The following DOCK2 variants were observed in gnomAD, a reference collection of about 807,000 sequenced individuals.
The protein encoded by DOCK2 is dedicator of cytokinesis protein 2.
A neutral mutation model predicts 248.9 loss-of-function variants in DOCK2; 87 were observed. The ratio of observed to expected loss-of-function variants is 0.35; its 90% CI spans 0.29 to 0.42. The LOEUF is 0.42. Among genes scored for constraint, DOCK2 ranks in the 10% least tolerant of loss-of-function variants. DOCK2 has a pLI of 1.00. For missense variants in DOCK2, 1,747 were observed against 2,300.2 expected (o/e 0.76, Z 4.92); for synonymous variants, 805 against 821.6 (o/e 0.98, Z 0.35).
At chr5:170,077,670 C>A in intron 47 of DOCK2, 40 bp from the exon 48 acceptor site, 2 of 1,609,560 alleles carry the variant, frequency 1.2e-6, no homozygotes, top group Non-Finnish European at 1.7e-6. Context: ...GCCACCTTCC[C>A]CAGGCTACAG....
chr5:169,677,804 C>T (rs530081269), intron 6 of DOCK2, among the ~76,000 whole-genome samples: 22 of 152,164 alleles, frequency 1.4e-4, no homozygotes, highest in Non-Finnish European at 1.6e-4. Context: ...CCGAAGCCAG[C>T]CATGGGGAAA....
intron 48 of DOCK2, among the ~76,000 whole-genome samples, chr5:170,078,487 A>G (rs943160251): frequency 2.6e-5 from 4 of 152,224 alleles, no homozygotes; most frequent in Admixed American, 6.5e-5. Context: ...TCATAGATAC[A>G]TGAGCAACCC....
intron 30 of DOCK2, among the ~76,000 whole-genome samples, chr5:170,007,471 T>C (rs1755078228): frequency 6.6e-6 from 1 of 152,222 alleles, no homozygotes; most frequent in South Asian, 2.1e-4. Context: ...TTACTGTGAT[T>C]CATGTCTTTA....
At chr5:169,881,564 G>A in intron 27 of DOCK2, 1 of 709,202 alleles carries the variant, frequency 1.4e-6, no homozygotes, top group Non-Finnish European at 2.5e-6. Context: ...AAGTTGCACG[G>A]CCATTACAAA....
chr5:169,729,316 C>T (rs1157819565), intron 22 of DOCK2, among the ~76,000 whole-genome samples: 2 of 152,106 alleles, frequency 1.3e-5, no homozygotes, highest in Non-Finnish European at 2.9e-5. Context: ...GGCATCACCC[C>T]GAAGGAGAAT....
intron 34 of DOCK2, among the ~76,000 whole-genome samples, chr5:170,033,922 A>G (rs1756232252): frequency 6.6e-6 from 1 of 152,206 alleles, no homozygotes; most frequent in South Asian, 2.1e-4. Context: ...TAATTTATTT[A>G]GGCCTTTCCC....
chr5:170,045,756 G>A, intron 38 of DOCK2, 60 bp from the exon 39 acceptor site: 1 of 1,535,400 alleles, frequency 6.5e-7, no homozygotes, highest in Non-Finnish European at 9.0e-7. Context: ...CCCTTCCTCA[G>A]CAAGCGCTCT....
At chr5:169,929,130 T>C (rs1229507704) in intron 27 of DOCK2, among the ~76,000 whole-genome samples, 3 of 152,312 alleles carry the variant, frequency 2.0e-5, no homozygotes, top group South Asian at 2.1e-4. Flanking sequence ...AGAGTGCCTA[T>C]GCAGGAAGCC....
At chr5:169,881,723 A>AT (rs1265166278) in intron 27 of DOCK2, among the ~76,000 whole-genome samples, 27 of 152,192 alleles carry the variant, frequency 1.8e-4, no homozygotes, top group Non-Finnish European at 1.0e-4. Context: ...AAGGGAGGTT[A>AT]TTAAAACTCC....
At chr5:169,693,520 T>G (rs921103775) in intron 9 of DOCK2, among the ~76,000 whole-genome samples, 2 of 152,100 alleles carry the variant, frequency 1.3e-5, no homozygotes, top group South Asian at 2.1e-4. Context: ...TAAAGATGAA[T>G]TCATAAGAGA....
chr5:169,815,856 A>G (rs1222437769), intron 26 of DOCK2, among the ~76,000 whole-genome samples: 1 of 152,106 alleles, frequency 6.6e-6, no homozygotes, highest in South Asian at 2.1e-4. Flanking sequence ...GCTTGGAGGA[A>G]TGGAGAAGGT....
chr5:169,815,734 T>C (rs1483472122), intron 26 of DOCK2, among the ~76,000 whole-genome samples: 1 of 152,146 alleles, frequency 6.6e-6, no homozygotes, highest in Admixed American at 6.5e-5. Context: ...CCTAGGTTAG[T>C]GTCTAACTTG....
chr5:169,956,081 G>C (rs944844151), intron 27 of DOCK2, among the ~76,000 whole-genome samples: 1 of 151,914 alleles, frequency 6.6e-6, no homozygotes, highest in Non-Finnish European at 1.5e-5. Flanking sequence ...CTGGAGTCTG[G>C]GTTATCTTCC....
chr5:169,967,968 G>T (rs1245301418), intron 27 of DOCK2, among the ~76,000 whole-genome samples: 1 of 152,144 alleles, frequency 6.6e-6, no homozygotes, highest in Non-Finnish European at 1.5e-5. Flanking sequence ...ATGGGGAGGA[G>T]GAAGAAAGGT....
At chr5:169,786,516 A>G (rs1046717834) in intron 25 of DOCK2, among the ~76,000 whole-genome samples, 1 of 152,220 alleles carries the variant, frequency 6.6e-6, no homozygotes, top group Non-Finnish European at 1.5e-5. Flanking sequence ...AGAATGGGAA[A>G]GATAAGAAAA....
intron 22 of DOCK2, among the ~76,000 whole-genome samples, chr5:169,739,357 C>T (rs1481822777): frequency 2.0e-5 from 3 of 152,146 alleles, no homozygotes; most frequent in Non-Finnish European, 2.9e-5. Context: ...GTTAGATTCT[C>T]CAGCCCCAGC....
At chr5:169,922,094 G>A (rs769123990) in intron 27 of DOCK2, among the ~76,000 whole-genome samples, 64 of 152,094 alleles carry the variant, frequency 4.2e-4, no homozygotes, top group Admixed American at 2.5e-3. Flanking sequence ...TAGCCTTAAT[G>A]CCATTCCACA....
At chr5:169,761,402 T>C (rs1008977792) in intron 24 of DOCK2, 117 bp from the exon 25 acceptor site, 7 of 764,096 alleles carry the variant, frequency 9.2e-6, no homozygotes, top group Non-Finnish European at 1.3e-5. Flanking sequence ...CACCTCATGC[T>C]CTGCCAGGAC....
At chr5:170,004,039 A>G (rs1241668841) in intron 30 of DOCK2, among the ~76,000 whole-genome samples, 1 of 152,240 alleles carries the variant, frequency 6.6e-6, no homozygotes, top group East Asian at 1.9e-4. Context: ...AATGGAAGCC[A>G]AAACCAAAAC....
Sources: allele counts gnomAD v4.1 joint callset (sites outside exome capture counted in the v4.1 genomes callset), GRCh38; gene constraint gnomAD v4.1.1; transcripts MANE v1.5; gene names NCBI Gene and HGNC (gene_info 2026-07-23, HGNC 2026-07-21).